The following CACNA1H variants were observed in gnomAD, a reference collection of about 807,000 sequenced individuals.
The protein encoded by CACNA1H is voltage-dependent T-type calcium channel subunit alpha-1H.
Under a neutral mutation model 192.5 loss-of-function variants are expected in CACNA1H, and 149 were observed. The ratio of observed to expected loss-of-function variants is 0.77; its 90% CI spans 0.68 to 0.89. CACNA1H has a LOEUF of 0.89. Among genes scored for constraint, CACNA1H ranks in the 40% least tolerant of loss-of-function variants. The pLI is 0.00. For synonymous variants in CACNA1H, 2,202 were observed against 1,475.2 expected (o/e 1.49, Z -11.29); for missense variants, 4,257 against 3,423.5 (o/e 1.24, Z -6.08).
rs2141377988 is a variant in CACNA1H at position 1,215,539 on chromosome 16, G to A, written c.5190G>A (p.Lys1730=). The A allele has an allele frequency of 1.9e-6, 3 of 1,611,886 alleles. No homozygotes were observed. The highest frequency in any genetic ancestry group is 1.1e-5 in the South Asian group (1 of 90,890). The change falls in exon 30 of 35, where the codon AAG becomes AAA. Residue 1730 remains lysine (K), a synonymous_variant. Coordinates refer to ENST00000348261, the MANE Select transcript of CACNA1H (RefSeq NM_021098.3). ...CGGCCCTAGTGCTGAAGCTGCTGAA[G>A]ATGGCTACGGGCATGCGCGCCCTGC... ...LRIARVLKLL[K]MATGMRALLD...
intron 2 of CACNA1H, among the ~76,000 whole-genome samples, chr16:1,165,788 ACCAGATGAAC>A (rs1963705507): frequency 6.6e-6 from 1 of 152,050 alleles, no homozygotes; most frequent in Non-Finnish European, 1.5e-5. Context: ...CACGTTCCCC[ACCAGATGAAC>A]CCATCAGCCC....
At chr16:1,158,511 G>A (rs1389214233) in intron 2 of CACNA1H, among the ~76,000 whole-genome samples, 2 of 152,192 alleles carry the variant, frequency 1.3e-5, no homozygotes, top group African/African-American at 4.8e-5. Context: ...GGAAGCATCA[G>A]GGCCGCACGC....
rs774710747 is a variant in CACNA1H at position 1,205,101 on chromosome 16, C to T, written c.2452-13C>T. 182 of 1,608,088 alleles carry T rather than the reference C, an allele frequency of 1.1e-4. No individual in the cohort carries two copies. The highest frequency in any genetic ancestry group is 1.4e-4 in the Non-Finnish European group (160 of 1,178,796). ...GGTGCGGCCTCCTGAACTGTCCCCA[C>T]CTCTGCCTGCAGCCCGAGGAGCTGA... On this transcript the variant is annotated splice_polypyrimidine_tract_variant and intron_variant, in intron 10 of 34. Transcript: ENST00000348261.
At chr16:1,210,749 C>T (rs749253776) in intron 20 of CACNA1H, 38 bp from the exon 21 acceptor site, 49 of 1,593,438 alleles carry the variant, frequency 3.1e-5, no homozygotes, top group African/African-American at 2.0e-4. Flanking sequence ...AGACCCCCCA[C>T]GCCTGAGCCT....
rs761298608 is a variant in CACNA1H, at chr16:1,210,040, C to T, written c.3750C>T (p.Cys1250=). 5.8e-6 allele frequency: 9 copies of T among 1,549,910 alleles called. No individual in the cohort carries two copies. The Admixed American group carries it at 1.4e-4, about 24-fold the overall frequency. ...GCCGCCGCCTCATCCCACAGAGCTGCTGCCTCCGCCTGCATAAAGTGCTGG... is the reference window on the plus strand; with the variant it reads ...GCCGCCGCCTCATCCCACAGAGCTGTTGCCTCCGCCTGCATAAAGTGCTGG... The part of the protein sequence containing the change: ...AELDDDSEDS[C]CLRLHKVLEP... The change falls in exon 18 of 35, where the codon TGC becomes TGT. Residue 1250 remains cysteine, a synonymous_variant. Transcript: ENST00000348261.
chr16:1,186,319 A>G (rs546185406), intron 2 of CACNA1H, among the ~76,000 whole-genome samples: 1 of 151,978 alleles, frequency 6.6e-6, no homozygotes. Flanking sequence ...AGCTGGGCCC[A>G]GGGAGCCCTG....
chr16:1,169,002 G>A (rs973649434), intron 2 of CACNA1H, among the ~76,000 whole-genome samples: 9 of 152,236 alleles, frequency 5.9e-5, no homozygotes, highest in East Asian at 3.9e-4. Context: ...ATGCCAGGGC[G>A]TTCTCTGCCA....
At chr16:1,166,499 C>T (rs959467030) in intron 2 of CACNA1H, among the ~76,000 whole-genome samples, 1 of 152,222 alleles carries the variant, frequency 6.6e-6, no homozygotes, top group African/African-American at 2.4e-5. Context: ...CCACCTAACT[C>T]GCCAATGAAG....
intron 15 of CACNA1H, 69 bp downstream of exon 15, chr16:1,207,929 C>G: frequency 1.9e-6 from 3 of 1,543,050 alleles, no homozygotes; most frequent in Non-Finnish European, 2.6e-6. Flanking sequence ...GGCAGGGCCC[C>G]CATAAGGCAA....
intron 8 of CACNA1H, 45 bp downstream of exon 8, chr16:1,200,853 G>A (rs1396838295): frequency 6.8e-7 from 1 of 1,480,084 alleles, no homozygotes; most frequent in South Asian, 1.2e-5. Flanking sequence ...CCTGGTGTTA[G>A]CTGGCTGGGG....
chr16:1,208,162 G>T lies in CACNA1H; in HGVS notation c.3304G>T (p.Asp1102Tyr). Residue 1102 changes from aspartate to tyrosine, a missense_variant, in exon 16 of 35, where the codon GAC becomes TAC. Coordinates refer to ENST00000348261, the MANE Select transcript of CACNA1H (RefSeq NM_021098.3). ...PFLDAAPSLPDSRRGSSSSGD... is the reference protein window; with the variant it reads ...PFLDAAPSLPYSRRGSSSSGD... ...CCTGGATGCAGCCCCCAGCCTCCCAGACTCTCGGCGTGGCAGCAGCAGCTC... is the reference window on the plus strand; with the variant it reads ...CCTGGATGCAGCCCCCAGCCTCCCATACTCTCGGCGTGGCAGCAGCAGCTC... 6.4e-7 allele frequency: 1 copy of T among 1,572,236 alleles called. No individual in the cohort carries two copies.
chr16:1,219,318 C>T (rs1266111467), intron 34 of CACNA1H, among the ~76,000 whole-genome samples, 188 bp downstream of exon 34: 1 of 152,230 alleles, frequency 6.6e-6, no homozygotes, highest in African/African-American at 2.4e-5. Context: ...GGTGCGTCTT[C>T]AGGCCTGTGA....
At chr16:1,168,147 G>A (rs1484387513) in intron 2 of CACNA1H, among the ~76,000 whole-genome samples, 1 of 152,070 alleles carries the variant, frequency 6.6e-6, no homozygotes, top group Non-Finnish European at 1.5e-5. Flanking sequence ...GACCAGGGCG[G>A]CCTCTGGTGC....
chr16:1,193,318 TC>T (rs1462621584), intron 2 of CACNA1H, among the ~76,000 whole-genome samples: 5 of 152,238 alleles, frequency 3.3e-5, no homozygotes, highest in African/African-American at 1.2e-4. Context: ...CCATCCACCA[TC>T]GCTCCCTTGC....
rs1436920227 is a variant in CACNA1H, at chr16:1,153,982, G to T, written c.245G>T (p.Cys82Phe). ...GCCTTGGCGGCCACGGTCTTCTTCT[G>T]CCTCGGTCAGACCACGCGGCCGCGC... is the stretch of plus-strand genomic sequence containing the variant. ...YPALAATVFF[C>F]LGQTTRPRSW... The change falls in exon 2 of 35, where the codon TGC (cysteine) becomes TTC (phenylalanine). Residue 82 changes from cysteine (C) to phenylalanine (F), a missense_variant. Coordinates refer to ENST00000348261, the MANE Select transcript of CACNA1H (RefSeq NM_021098.3). 3 of 1,433,216 alleles carry T rather than the reference G, an allele frequency of 2.1e-6. No homozygotes were observed. The highest frequency in any genetic ancestry group is 2.7e-6 in the Non-Finnish European group (3 of 1,091,486). The allele number at this position is 1,433,216 out of a possible 1,614,324, so 88.8% of individuals were successfully genotyped here.
At position 1,198,778 on chromosome 16, in the gene CACNA1H, C is replaced by T; in HGVS notation, c.803+4C>T. The T allele has an allele frequency of 6.2e-7, 1 of 1,607,802 alleles. No individual in the cohort carries two copies. The highest frequency in any genetic ancestry group is 8.5e-7 in the Non-Finnish European group (1 of 1,177,892). ...TCCTGGACAGTGCCTTTGTCAGGTG[C>T]CCAGGCCCCACCCCCGTGAGGCCCC... On this transcript the variant is annotated splice_donor_region_variant and intron_variant, in intron 6 of 34. Coordinates refer to ENST00000348261, the MANE Select transcript of CACNA1H (RefSeq NM_021098.3).
chr16:1,217,263 G>T (rs1970104636), intron 31 of CACNA1H, among the ~76,000 whole-genome samples: 1 of 152,234 alleles, frequency 6.6e-6, no homozygotes, highest in South Asian at 2.1e-4. Flanking sequence ...CACAGACACA[G>T]GGATGCCTGC....
chr16:1,211,652 T>G, intron 23 of CACNA1H, 46 bp downstream of exon 23: 1 of 1,609,892 alleles, frequency 6.2e-7, no homozygotes, highest in Non-Finnish European at 8.5e-7. Context: ...CAGGACACCC[T>G]GGAGCGAGAG....
At chr16:1,208,566 G>A (rs1001023215) in intron 16 of CACNA1H, among the ~76,000 whole-genome samples, 4 of 152,218 alleles carry the variant, frequency 2.6e-5, no homozygotes, top group East Asian at 1.9e-4. Flanking sequence ...GAAGCAGCCC[G>A]ATTCCCTTTA....
Sources: allele counts gnomAD v4.1 joint callset (sites outside exome capture counted in the v4.1 genomes callset), GRCh38; gene constraint gnomAD v4.1.1; transcripts MANE v1.5; gene names NCBI Gene and HGNC (gene_info 2026-07-23, HGNC 2026-07-21).